The following ZNF730 variants were observed in gnomAD, a reference collection of about 807,000 sequenced individuals.
ZNF730 encodes zinc finger protein 730, also known as putative zinc finger protein 730.
Under a neutral mutation model 12.6 loss-of-function variants are expected in ZNF730, and 12 were observed. The observed-to-expected ratio is 0.95, with a 90% CI of 0.61 to 1.54. ZNF730 has a LOEUF of 1.54. Among genes scored for constraint, ZNF730 ranks in the 40% most tolerant of loss-of-function variants. The pLI is 0.00. For synonymous variants in ZNF730, 194 were observed against 195.8 expected (o/e 0.99, Z 0.08); for missense variants, 643 against 583.5 (o/e 1.10, Z -1.05).
intron 1 of ZNF730, chr19:23,127,518 G>C: frequency 1.1e-6 from 1 of 929,598 alleles, no homozygotes; most frequent in Non-Finnish European, 1.8e-6. Context: ...GGTGGTGCTG[G>C]TGGAATGATG....
chr19:23,119,192 A>C (rs1365047210), intron 1 of ZNF730, among the ~76,000 whole-genome samples: 3 of 152,204 alleles, frequency 2.0e-5, no homozygotes, highest in African/African-American at 4.8e-5. Flanking sequence ...TAGATAACTC[A>C]TTATTTTGAA....
chr19:23,118,497 A>G (rs1599588498), intron 1 of ZNF730, among the ~76,000 whole-genome samples: 1 of 151,696 alleles, frequency 6.6e-6, no homozygotes, highest in African/African-American at 2.4e-5. Flanking sequence ...TGTCTGCTAG[A>G]GTGTTTGATG....
upstream of ZNF730, among the ~76,000 whole-genome samples, chr19:23,114,300 C>CTTTTTTTTTTTTTTTTTTTTTTTTT (rs11413226): frequency 1.2e-4 from 14 of 119,534 alleles, 2 homozygotes; most frequent in African/African-American, 4.9e-4. Flanking sequence ...TTTTCTTTTT[C>CTTTTTTTTTTTTTTTTTTTTTTTTT]TTTTCTTTTT....
chr19:23,075,570 C>G (rs549571933), intron 1 of ZNF730, among the ~76,000 whole-genome samples: 24 of 152,280 alleles, frequency 1.6e-4, no homozygotes, highest in African/African-American at 5.5e-4. Flanking sequence ...AGCGTCTCGC[C>G]GCGTCCCTGC....
chr19:23,096,153 C>T (rs1431175702), intron 1 of ZNF730, among the ~76,000 whole-genome samples: 1 of 152,070 alleles, frequency 6.6e-6, no homozygotes, highest in Non-Finnish European at 1.5e-5. Context: ...CTGTGAGACC[C>T]TCAATTAGGT....
At chr19:23,101,111 T>C (rs1458943287) in intron 1 of ZNF730, among the ~76,000 whole-genome samples, 1 of 152,222 alleles carries the variant, frequency 6.6e-6, no homozygotes, top group Non-Finnish European at 1.5e-5. Flanking sequence ...GGATTACCAC[T>C]CTTGCATATT....
chr19:23,130,499 A>C (rs1232216146), intron 1 of ZNF730, among the ~76,000 whole-genome samples: 1 of 152,066 alleles, frequency 6.6e-6, no homozygotes, highest in Non-Finnish European at 1.5e-5. Context: ...AAATGTGTGC[A>C]AAAAAAACTT....
chr19:23,125,683 G>T (rs1354647247), intron 1 of ZNF730: 2 of 152,240 alleles, frequency 1.3e-5, no homozygotes, highest in South Asian at 2.1e-4. Flanking sequence ...TGTTAAAGTT[G>T]TTAAAAATAA....
chr19:23,106,588 TTGAGACTAGCC>T (rs1970394869), intron 1 of ZNF730, among the ~76,000 whole-genome samples: 1 of 151,824 alleles, frequency 6.6e-6, no homozygotes, highest in African/African-American at 2.4e-5. Context: ...GGTCGAGAAT[TTGAGACTAGCC>T]TGACCAACAT....
intron 1 of ZNF730, among the ~76,000 whole-genome samples, chr19:23,082,887 CG>C (rs1207120183): frequency 2.6e-5 from 4 of 151,830 alleles, no homozygotes; most frequent in African/African-American, 9.7e-5. Context: ...TTTTAGGGGA[CG>C]GGGTTTCTGC....
At chr19:23,095,085 G>A in intron 1 of ZNF730, 1 of 320,598 alleles carries the variant, frequency 3.1e-6, no homozygotes, top group Non-Finnish European at 5.6e-6. Flanking sequence ...AGCACCAGAG[G>A]GATTTGATGC....
intron 1 of ZNF730, among the ~76,000 whole-genome samples, chr19:23,088,525 A>G (rs368041283): frequency 1.3e-5 from 2 of 151,272 alleles, no homozygotes; most frequent in African/African-American, 4.8e-5. Flanking sequence ...CTGGAGTGCA[A>G]TGGCATGATC....
intron 1 of ZNF730, chr19:23,124,116 T>C (rs1362808516): frequency 6.6e-6 from 1 of 152,176 alleles, no homozygotes; most frequent in Non-Finnish European, 1.5e-5. Context: ...TGCTGTGGCA[T>C]TGGGGTTCAT....
intron 1 of ZNF730, chr19:23,128,266 A>G (rs996360204): frequency 1.1e-5 from 8 of 700,338 alleles, no homozygotes; most frequent in Non-Finnish European, 2.1e-5. Flanking sequence ...GAAGTACATC[A>G]TAGGCCAGAA....
intron 1 of ZNF730, among the ~76,000 whole-genome samples, chr19:23,076,710 T>G (rs982935328): frequency 6.6e-6 from 1 of 152,206 alleles, no homozygotes; most frequent in African/African-American, 2.4e-5. Context: ...AAGATTTTTT[T>G]GGTCAAAGGA....
intron 1 of ZNF730, among the ~76,000 whole-genome samples, chr19:23,106,926 G>T (rs941460514): frequency 6.6e-6 from 1 of 151,986 alleles, no homozygotes; most frequent in Non-Finnish European, 1.5e-5. Context: ...ATAAGCATAT[G>T]AATTAGCAAT....
At chr19:23,136,087 A>G (rs776289123) in intron 3 of ZNF730, 44 bp downstream of exon 3, 10 of 1,350,416 alleles carry the variant, frequency 7.4e-6, no homozygotes, top group East Asian at 2.7e-5. Context: ...TAAGAGATCT[A>G]TAGTTTAAAA....
At chr19:23,109,705 G>A (rs1193317835) in intron 1 of ZNF730, among the ~76,000 whole-genome samples, 4 of 151,966 alleles carry the variant, frequency 2.6e-5, no homozygotes, top group African/African-American at 9.7e-5. Context: ...GAGCCACTGC[G>A]CCTAGCCTAA....
intron 1 of ZNF730, among the ~76,000 whole-genome samples, chr19:23,085,717 T>C (rs978068693): frequency 2.0e-5 from 3 of 150,990 alleles, no homozygotes; most frequent in African/African-American, 7.3e-5. Flanking sequence ...GGTTTCACCA[T>C]GTTGACCAGG....
Sources: allele counts gnomAD v4.1 joint callset (sites outside exome capture counted in the v4.1 genomes callset), GRCh38; gene constraint gnomAD v4.1.1; transcripts MANE v1.5; gene names NCBI Gene and HGNC (gene_info 2026-07-23, HGNC 2026-07-21).